APBB2: variants seen among roughly 807,000 people sequenced by gnomAD.
APBB2 encodes Fe65-like 1.
APBB2 carries 38 observed loss-of-function variants against 82.5 expected under a neutral mutation model. The observed-to-expected ratio is 0.46, with a 90% CI of 0.36 to 0.60. The LOEUF (loss-of-function observed/expected upper bound fraction) is 0.60. Ranked by LOEUF, APBB2 falls within the 20% of genes least tolerant of loss-of-function variation. APBB2 has a pLI of 0.00. For missense variants in APBB2, 772 were observed against 972.3 expected, an observed-to-expected ratio of 0.79 and a Z score of 2.74; for synonymous variants, 341 against 368.2, an observed-to-expected ratio of 0.93 and a Z score of 0.85.
chr4:40,887,038 C>T (rs77218917), intron 12 of APBB2, among the ~76,000 whole-genome samples: 1 of 152,202 alleles, frequency 6.6e-6, no homozygotes, highest in Non-Finnish European at 1.5e-5. Flanking sequence ...ACAAAGCCTT[C>T]AGCATAGTTG....
intron 10 of APBB2, among the ~76,000 whole-genome samples, chr4:40,917,061 CTG>C (rs1310971680): frequency 6.6e-6 from 1 of 152,170 alleles, no homozygotes; most frequent in Non-Finnish European, 1.5e-5. Context: ...GCGGCAACTC[CTG>C]TGCTGTGTTG....
chr4:40,855,178 G>A lies in APBB2; in HGVS notation c.1530-24601C>T, dbSNP rs184091716. The stretch of plus-strand genomic sequence containing the variant: ...CAGCAGTATCTTCTTGTCTCACCTT[G>A]GTGTCATCCACACTGCTTCCCAGGG... On this transcript the variant is annotated intron_variant, in intron 12 of 17. Coordinates refer to ENST00000508593, the MANE Select transcript of APBB2 (RefSeq NM_004307.2). Among the ~76,000 whole-genome samples, 95 of 152,148 alleles carry A rather than the reference G, an allele frequency of 6.2e-4. 1 individual carries two copies. The highest frequency in any genetic ancestry group is 2.1e-3 in the African/African-American group (89 of 41,462).
At chr4:40,993,946 G>A (rs1802881810) in intron 6 of APBB2, among the ~76,000 whole-genome samples, 2 of 151,962 alleles carry the variant, frequency 1.3e-5, no homozygotes, top group Admixed American at 6.6e-5. Context: ...CACTACCTGC[G>A]TCTGAGTCTG....
intron 4 of APBB2, among the ~76,000 whole-genome samples, chr4:41,043,919 G>A (rs1579503948): frequency 6.6e-6 from 1 of 152,072 alleles, no homozygotes; most frequent in African/African-American, 2.4e-5. Context: ...TGTTTAACTC[G>A]TTTCTCCAAC....
At chr4:41,182,172 G>A (rs1296518084) in intron 1 of APBB2, among the ~76,000 whole-genome samples, 1 of 152,094 alleles carries the variant, frequency 6.6e-6, no homozygotes, top group African/African-American at 2.4e-5. Flanking sequence ...GTAAAGTCAA[G>A]GGCTGTCTAT....
chr4:41,111,397 T>G (rs1371831913), intron 2 of APBB2, among the ~76,000 whole-genome samples: 1 of 152,216 alleles, frequency 6.6e-6, no homozygotes, highest in Non-Finnish European at 1.5e-5. Flanking sequence ...GATTCTGCAT[T>G]TCTAACAAGT....
chr4:40,836,591 G>A (rs1459678959), intron 12 of APBB2, among the ~76,000 whole-genome samples: 2 of 152,050 alleles, frequency 1.3e-5, no homozygotes, highest in African/African-American at 4.8e-5. Context: ...TGAGAAGGTG[G>A]GAAAAAAATT....
At chr4:41,056,363 G>C (rs1727859808) in intron 4 of APBB2, among the ~76,000 whole-genome samples, 1 of 152,158 alleles carries the variant, frequency 6.6e-6, no homozygotes, top group Middle Eastern at 3.4e-3. Flanking sequence ...ATCCCACCCA[G>C]GAGACCTGCA....
At chr4:41,006,438 G>A (rs977128883) in intron 6 of APBB2, among the ~76,000 whole-genome samples, 5 of 152,050 alleles carry the variant, frequency 3.3e-5, no homozygotes, top group African/African-American at 7.2e-5. Flanking sequence ...TGAAGACTGG[G>A]CCTAGGGATT....
At chr4:40,907,842 T>C (rs1206048547) in intron 10 of APBB2, among the ~76,000 whole-genome samples, 2 of 151,772 alleles carry the variant, frequency 1.3e-5, no homozygotes, top group Non-Finnish European at 2.9e-5. Flanking sequence ...AAGGTGGGTT[T>C]TTTTTTTGTA....
rs554052693 is a variant in APBB2 at position 41,014,160 on chromosome 4, T to A, written c.258A>T (p.Ala86=). 11 of 1,614,254 alleles carry A rather than the reference T, an allele frequency of 6.8e-6. No homozygotes were observed. Among genetic ancestry groups the A allele is most frequent in the South Asian group, 2.2e-5 (2 of 91,088 alleles). Residue 86 remains alanine (A), a synonymous_variant, in exon 6 of 18, where the codon GCA becomes GCT. Coordinates refer to ENST00000508593, the MANE Select transcript of APBB2 (RefSeq NM_004307.2). ...QAAMGLSDPA[A]QPLLGNGSAN... is the part of the protein sequence containing the mutation. ...CAGAGCCATTTCCCAGCAGGGGCTGTGCAGCTGGATCCGAGAGGCCCATGG... is the reference window on the plus strand; with the variant it reads ...CAGAGCCATTTCCCAGCAGGGGCTGAGCAGCTGGATCCGAGAGGCCCATGG...
chr4:40,999,717 C>T (rs1560491692), intron 6 of APBB2, among the ~76,000 whole-genome samples: 1 of 152,068 alleles, frequency 6.6e-6, no homozygotes, highest in African/African-American at 2.4e-5. Context: ...CAGTAAGATC[C>T]CAAGGGCATA....
intron 10 of APBB2, 38 bp from the exon 11 acceptor site, chr4:40,893,449 G>A: frequency 6.4e-7 from 1 of 1,571,294 alleles, no homozygotes; most frequent in Non-Finnish European, 8.7e-7. Flanking sequence ...GTCACTCCAT[G>A]GTTTGGTCAA....
chr4:40,932,945 C>A (rs977202497), intron 10 of APBB2, among the ~76,000 whole-genome samples: 9 of 152,194 alleles, frequency 5.9e-5, no homozygotes, highest in Non-Finnish European at 1.2e-4. Flanking sequence ...CTCACTGCAA[C>A]CTCTGCCTCC....
intron 6 of APBB2, among the ~76,000 whole-genome samples, chr4:40,960,376 A>G (rs1319033762): frequency 6.6e-6 from 1 of 152,054 alleles, no homozygotes; most frequent in African/African-American, 2.4e-5. Flanking sequence ...AAGATATTTA[A>G]ATTACTGGTC....
chr4:41,152,558 G>A (rs965635539), intron 1 of APBB2, among the ~76,000 whole-genome samples: 3 of 152,006 alleles, frequency 2.0e-5, no homozygotes, highest in African/African-American at 7.2e-5. Flanking sequence ...TCGATCTCCT[G>A]ACCTCGTGAT....
intron 6 of APBB2, chr4:40,990,348 G>A (rs1801676493): frequency 6.6e-6 from 1 of 151,742 alleles, no homozygotes; most frequent in Non-Finnish European, 1.5e-5. Flanking sequence ...CTCTCCAGCT[G>A]TTGTTGGACA....
intron 6 of APBB2, among the ~76,000 whole-genome samples, chr4:40,988,664 C>CA (rs373935285): frequency 8.7e-6 from 1 of 114,604 alleles, no homozygotes; most frequent in Non-Finnish European, 1.7e-5. Context: ...AAGACTGTCT[C>CA]AAAAAAAAAA....
chr4:41,065,357 C>G (rs577010468), intron 4 of APBB2, among the ~76,000 whole-genome samples: 1 of 152,258 alleles, frequency 6.6e-6, no homozygotes, highest in East Asian at 1.9e-4. Flanking sequence ...TTGACATACA[C>G]TTCTGGTCTT....
Sources: allele counts gnomAD v4.1 joint callset (sites outside exome capture counted in the v4.1 genomes callset), GRCh38; gene constraint gnomAD v4.1.1; transcripts MANE v1.5; gene names NCBI Gene and HGNC (gene_info 2026-07-23, HGNC 2026-07-21).